APLN: variants seen among roughly 807,000 people sequenced by gnomAD.
The protein encoded by APLN is AGTRL1 ligand.
Under a neutral mutation model 4.3 loss-of-function variants are expected in APLN, and 2 were observed. The observed-to-expected ratio is 0.46, with a 90% CI of 0.19 to 1.45. APLN has a LOEUF of 1.45. Among genes scored for constraint, APLN ranks in the 40% most tolerant of loss-of-function variants. APLN has a pLI of 0.25. For synonymous variants in APLN, 34 were observed against 30.4 expected (o/e 1.12, Z -0.38); for missense variants, 80 against 70.0 (o/e 1.14, Z -0.51).
At chrX:129,653,583 C>T (rs998382881) in intron 1 of APLN, among the ~76,000 whole-genome samples, 1 of 112,375 alleles carries the variant, frequency 8.9e-6, no homozygotes, top group Non-Finnish European at 1.9e-5. Context: ...GCTGGCAGCC[C>T]CAGGAGACAT....
chrX:129,650,959 G>C (rs57967681), intron 1 of APLN, among the ~76,000 whole-genome samples: 3,622 of 111,714 alleles, frequency 0.032, 144 homozygotes, highest in African/African-American at 0.11. Flanking sequence ...GACTGCTGGG[G>C]GTGCAGAAGG....
At chrX:129,650,452 C>G in intron 1 of APLN, among the ~76,000 whole-genome samples, 1 of 110,455 alleles carries the variant, frequency 9.1e-6, no homozygotes, top group East Asian at 2.9e-4. Flanking sequence ...CCCAGACATA[C>G]CCACCCCCTC....
chrX:129,647,838 C>T lies in APLN; in HGVS notation c.*85G>A, dbSNP rs754427457. On this transcript the variant is annotated 3_prime_UTR_variant, in exon 3 of 3. Coordinates refer to ENST00000429967, the MANE Select transcript of APLN (RefSeq NM_017413.5). ...AGGTGCGAGGTGAGAGCTGAATGGACGTGAGGCCTCCAGAGAAGCAGACCA... is the reference window on the plus strand; with the variant it reads ...AGGTGCGAGGTGAGAGCTGAATGGATGTGAGGCCTCCAGAGAAGCAGACCA... 15 of 981,123 alleles carry T rather than the reference C, an allele frequency of 1.5e-5. No individual in the cohort carries two copies. The South Asian group carries it at 2.2e-4, about 14-fold the overall frequency. 80.9% of individuals were successfully genotyped at this position (981,123 alleles called of 1,213,427 possible). A position where few individuals can be genotyped will look rare whatever the true frequency, so the allele number is the denominator to read the frequency against.
In APLN at chrX:129,647,625, C is replaced by A; in HGVS notation, c.*298G>T. 1 of 980,576 alleles carries A rather than the reference C, an allele frequency of 1.0e-6. No individual in the cohort carries two copies. The highest frequency in any genetic ancestry group is 1.3e-6 in the Non-Finnish European group (1 of 754,830). The allele number at this position is 980,576 out of a possible 1,213,427, so 80.8% of individuals were successfully genotyped here. On this transcript the variant is annotated 3_prime_UTR_variant, in exon 3 of 3. Coordinates refer to ENST00000429967, the MANE Select transcript of APLN (RefSeq NM_017413.5). ...TAGATGAGACAGGCAGGGACTAGGGCGGAGGGGACCTGGAGAAGAAGGGAG... is the reference window on the plus strand; with the variant it reads ...TAGATGAGACAGGCAGGGACTAGGGAGGAGGGGACCTGGAGAAGAAGGGAG...
chrX:129,649,971 T>A (rs753300741), intron 1 of APLN, among the ~76,000 whole-genome samples: 334 of 111,376 alleles, frequency 3.0e-3, no homozygotes, highest in African/African-American at 0.01. Context: ...TGGCTGGTGG[T>A]GGCAGGCAGT....
In APLN at chrX:129,654,549, AG is replaced by A. The variant is rs944666511; in HGVS notation, c.67+14del. On this transcript the variant is annotated intron_variant, in intron 1 of 2. Transcript: ENST00000429967. The stretch of plus-strand genomic sequence containing the variant: ...GCCGGCTGCAGCCCGGGCGAGCGGG[AG>A]GGCGCGCACTCACCTCCACACACCG... 2.6e-6 allele frequency: 3 copies of A among 1,147,206 alleles called. No homozygotes were observed. The highest frequency in any genetic ancestry group is 3.5e-6 in the Non-Finnish European group (3 of 865,222). The allele number at this position is 1,147,206 out of a possible 1,213,427, so 94.5% of individuals were successfully genotyped here.
chrX:129,648,495 G>C (rs1402261400), intron 2 of APLN, 126 bp downstream of exon 2: 1 of 834,488 alleles, frequency 1.2e-6, no homozygotes, highest in Non-Finnish European at 1.7e-6. Flanking sequence ...CTAAGCCTCT[G>C]TGAGTGTGGC....
At chrX:129,647,957 A>G (rs1295320479) in intron 2 of APLN, 40 bp from the exon 3 acceptor site, 1 of 975,684 alleles carries the variant, frequency 1.0e-6, no homozygotes, top group Admixed American at 3.1e-5. Context: ...TCATGGACAT[A>G]TCCTAGGCCA....
In APLN at chrX:129,647,887, C is replaced by A. The variant is rs3115758; in HGVS notation, c.*36G>T. 132,575 of 980,193 alleles carry A rather than the reference C, an allele frequency of 0.14. 16,837 individuals carry two copies. The highest frequency in any genetic ancestry group is 0.77 in the African/African-American group (38,366 of 49,524). 80.8% of individuals were successfully genotyped at this position (980,193 alleles called of 1,213,427 possible). A position where few individuals can be genotyped will look rare whatever the true frequency, so the allele number is the denominator to read the frequency against. On this transcript the variant is annotated 3_prime_UTR_variant, in exon 3 of 3. Transcript: ENST00000429967. ...CAATCTATGGAGGAGACATAACCGC[C>A]GGGGGTGGGCACTTGGGGGCCCCTT...
In APLN at chrX:129,645,653, T is replaced by C. The variant is rs1391090887; in HGVS notation, c.*2270A>G. On this transcript the variant is annotated 3_prime_UTR_variant, in exon 3 of 3. Coordinates refer to ENST00000429967, the MANE Select transcript of APLN (RefSeq NM_017413.5). ...CATAGGGATTCATTTTGTGAGCTCA[T>C]GGCAAATCAGTTTGAGGCCAGTTGA... 3.6e-5 allele frequency: 4 copies of C among 112,168 alleles called. No homozygotes were observed. The allele number at this position is 112,168 out of a possible 1,213,427, so 9.2% of individuals were successfully genotyped here. A position where few individuals can be genotyped will look rare whatever the true frequency, so the allele number is the denominator to read the frequency against.
intron 2 of APLN, 26 bp downstream of exon 2, chrX:129,648,595 T>G: frequency 2.5e-6 from 3 of 1,198,634 alleles, no homozygotes; most frequent in Non-Finnish European, 3.4e-6. Context: ...GCTTTAGCAC[T>G]GTCCACTGAA....
rs1373031023 is a variant in APLN, at chrX:129,654,612, C to A, written c.19G>T (p.Val7Leu). 8.7e-7 allele frequency: 1 copy of A among 1,150,813 alleles called. No individual in the cohort carries two copies. The highest frequency in any genetic ancestry group is 1.2e-6 in the Non-Finnish European group (1 of 867,802). The allele number at this position is 1,150,813 out of a possible 1,213,427, so 94.8% of individuals were successfully genotyped here. MNLRLCVQALLLLWLSL... is the reference protein window; with the variant it reads MNLRLCLQALLLLWLSL... ...AGCCAGAGCAGCAGGAGCGCCTGCA[C>A]GCAGAGCCGCAGATTCATGCTGCTC... The change falls in exon 1 of 3, where the codon GTG (valine) becomes TTG (leucine). Residue 7 changes from valine (V) to leucine (L), a missense_variant. Physicochemically the swap from Val to Leu is conservative, Grantham distance 32 (BLOSUM62 1). Coordinates refer to ENST00000429967, the MANE Select transcript of APLN (RefSeq NM_017413.5).
Position 129,654,604 on chromosome X carries a change from C to G in APLN, c.27G>C (p.Ala9=). MNLRLCVQ[A]LLLLWLSLTA... ...TCAAGGAGAGCCAGAGCAGCAGGAGCGCCTGCACGCAGAGCCGCAGATTCA... is the reference window on the plus strand; with the variant it reads ...TCAAGGAGAGCCAGAGCAGCAGGAGGGCCTGCACGCAGAGCCGCAGATTCA... Residue 9 remains alanine (A), a synonymous_variant, in exon 1 of 3, where the codon GCG becomes GCC. Transcript: ENST00000429967. 2 of 1,152,865 alleles carry G rather than the reference C, an allele frequency of 1.7e-6. No homozygotes were observed. Among genetic ancestry groups the G allele is most frequent in the Non-Finnish European group, 2.3e-6 (2 of 868,526 alleles).
Position 129,646,216 on chromosome X carries a change from G to GCAA in APLN, c.*1706_*1707insTTG, listed in dbSNP as rs1936939280. The GCAA allele has an allele frequency of 7.9e-6, 1 of 127,358 alleles. No homozygotes were observed. Among genetic ancestry groups the GCAA allele is most frequent in the African/African-American group, 3.1e-5 (1 of 31,758 alleles). The allele number at this position is 127,358 out of a possible 1,213,427, so 10.5% of individuals were successfully genotyped here. ...GAGCCTTTAAGCAGCAGCAGCAGCA[G>GCAA]CAGCAGCGTTAGCAGCAGCATAGGT... On this transcript the variant is annotated 3_prime_UTR_variant, in exon 3 of 3. Transcript: ENST00000429967.
chrX:129,654,700 A>C lies in APLN; in HGVS notation c.-70T>G. ...AGGAGAGGTCGGGCGCCCGGAGGCC[A>C]AGAAAGGCGCGAGCCGCGGCTGGCG... is the stretch of plus-strand genomic sequence containing the variant. On this transcript the variant is annotated 5_prime_UTR_variant, in exon 1 of 3. Transcript: ENST00000429967. The C allele has an allele frequency of 1.1e-6, 1 of 876,351 alleles. No homozygotes were observed. The highest frequency in any genetic ancestry group is 1.5e-6 in the Non-Finnish European group (1 of 683,303). The allele number at this position is 876,351 out of a possible 1,213,427, so 72.2% of individuals were successfully genotyped here. A position where few individuals can be genotyped will look rare whatever the true frequency, so the allele number is the denominator to read the frequency against.
rs1209344492 is a variant in APLN, at chrX:129,654,595, C to T, written c.36G>A (p.Leu12=). The T allele has an allele frequency of 1.7e-6, 2 of 1,154,812 alleles. No individual in the cohort carries two copies. Among genetic ancestry groups the T allele is most frequent in the Non-Finnish European group, 2.3e-6 (2 of 869,149 alleles). The change falls in exon 1 of 3, where the codon CTG becomes CTA. Residue 12 remains leucine (L), a synonymous_variant. Coordinates refer to ENST00000429967, the MANE Select transcript of APLN (RefSeq NM_017413.5). ...NLRLCVQALL[L]LWLSLTAVCG... The stretch of plus-strand genomic sequence containing the variant: ...ACACCGCGGTCAAGGAGAGCCAGAG[C>T]AGCAGGAGCGCCTGCACGCAGAGCC...
In APLN at chrX:129,645,667, G is replaced by T. The variant is rs755289005; in HGVS notation, c.*2256C>A. On this transcript the variant is annotated 3_prime_UTR_variant, in exon 3 of 3. Coordinates refer to ENST00000429967, the MANE Select transcript of APLN (RefSeq NM_017413.5). ...TTGTGAGCTCATGGCAAATCAGTTT[G>T]AGGCCAGTTGACCTAGAACCGATTT... The T allele has an allele frequency of 4.5e-5, 5 of 112,233 alleles. No individual in the cohort carries two copies. The South Asian group carries it at 1.9e-3, about 42-fold the overall frequency. The allele number at this position is 112,233 out of a possible 1,213,427, so 9.2% of individuals were successfully genotyped here.
At chrX:129,648,008 T>C in intron 2 of APLN, 91 bp from the exon 3 acceptor site, 2 of 936,842 alleles carry the variant, frequency 2.1e-6, no homozygotes, top group Non-Finnish European at 1.4e-6. Flanking sequence ...GGAGACCGCC[T>C]TCTCTTTCCC....
At chrX:129,654,106 C>G (rs1936993880) in intron 1 of APLN, among the ~76,000 whole-genome samples, 1 of 113,317 alleles carries the variant, frequency 8.8e-6, no homozygotes, top group African/African-American at 3.2e-5. Flanking sequence ...GTTTCCCGCG[C>G]CCCTGGACTG....
Sources: gnomAD v4.1 joint callset for allele counts (sites outside exome capture counted in the v4.1 genomes callset) on GRCh38, gnomAD v4.1.1 for gene constraint, MANE v1.5 for transcripts, NCBI Gene and HGNC (gene_info 2026-07-23, HGNC 2026-07-21) for gene names.